Variants in GLCCI1 observed in about 807,000 individuals in gnomAD.
The protein encoded by GLCCI1 is glucocorticoid-induced transcript 1 protein.
GLCCI1 carries 24 observed loss-of-function variants against 52.2 expected under a neutral mutation model. The ratio of observed to expected loss-of-function variants is 0.46; its 90% CI spans 0.33 to 0.65. GLCCI1 has a LOEUF of 0.65. Among genes scored for constraint, GLCCI1 ranks in the 30% least tolerant of loss-of-function variants. The pLI is 0.02. For missense variants in GLCCI1, 704 were observed against 701.5 expected (o/e 1.00, Z -0.04); for synonymous variants, 310 against 276.5 (o/e 1.12, Z -1.20).
At chr7:7,998,207 TGTTTTGTTTC>T (rs1178486201) in intron 1 of GLCCI1, among the ~76,000 whole-genome samples, 2 of 151,718 alleles carry the variant, frequency 1.3e-5, no homozygotes, top group African/African-American at 4.8e-5. Flanking sequence ...TGTTGTTTTT[TGTTTTGTTTC>T]GTTTTGTTTT....
chr7:8,000,173 G>C (rs184111524), intron 1 of GLCCI1, among the ~76,000 whole-genome samples: 2 of 152,216 alleles, frequency 1.3e-5, no homozygotes, highest in East Asian at 3.9e-4. Context: ...GTTGTCTTGT[G>C]TTTCTTCGCA....
At chr7:8,057,085 A>C (rs189979069) in intron 4 of GLCCI1, among the ~76,000 whole-genome samples, 94 of 152,350 alleles carry the variant, frequency 6.2e-4, no homozygotes, top group African/African-American at 1.9e-3. Flanking sequence ...CAGAACAGCC[A>C]CACATTGCTG....
At chr7:8,075,269 C>T (rs1649828746) in intron 6 of GLCCI1, among the ~76,000 whole-genome samples, 1 of 151,982 alleles carries the variant, frequency 6.6e-6, no homozygotes, top group South Asian at 2.1e-4. Flanking sequence ...TTTGGCGTTT[C>T]GTTTTGATTT....
Position 8,065,637 on chromosome 7 carries a change from C to T in GLCCI1, c.967-5284C>T, listed in dbSNP as rs140547296. Among the ~76,000 whole-genome samples the T allele has an allele frequency of 1.8e-3, 275 of 152,116 alleles. 1 individual carries two copies. The highest frequency in any genetic ancestry group is 6.3e-3 in the African/African-American group (260 of 41,482). ...GGGATGTTGGATTTTATTGAAAGCC[C>T]TTTCTGTATCTATTAAGATAATTAT... On this transcript the variant is annotated intron_variant, in intron 5 of 7. Transcript: ENST00000223145.
intron 4 of GLCCI1, among the ~76,000 whole-genome samples, chr7:8,059,864 AC>A (rs1782476320): frequency 6.6e-6 from 1 of 152,230 alleles, no homozygotes. Flanking sequence ...ATACAGGTAT[AC>A]CTTTATACTT....
intron 3 of GLCCI1, among the ~76,000 whole-genome samples, chr7:8,038,379 G>A (rs908497152): frequency 1.3e-5 from 2 of 152,108 alleles, no homozygotes; most frequent in Non-Finnish European, 2.9e-5. Flanking sequence ...ATACTACAAG[G>A]CTATTGTACC....
In GLCCI1 at chr7:7,969,164, C is replaced by A. The variant is rs946590261; in HGVS notation, c.-187C>A. On this transcript the variant is annotated 5_prime_UTR_variant, in exon 1 of 8. Coordinates refer to ENST00000223145, the MANE Select transcript of GLCCI1 (RefSeq NM_138426.4). The surrounding 1 kb of genome is among the most constrained non-coding windows in gnomAD (Gnocchi z 4.9). ...TTTGTTTTCGCAGCCTTCCCCTCCC[C>A]CCTCGCCGAGGCGGCGGGGGTGTGC... 11 of 504,998 alleles carry A rather than the reference C, an allele frequency of 2.2e-5. No individual in the cohort carries two copies. The South Asian group carries it at 3.9e-4, about 18-fold the overall frequency. 31.3% of individuals were successfully genotyped at this position (504,998 alleles called of 1,614,324 possible). A position where few individuals can be genotyped will look rare whatever the true frequency, so the allele number is the denominator to read the frequency against.
intron 1 of GLCCI1, among the ~76,000 whole-genome samples, chr7:7,988,046 C>G (rs1040280839): frequency 6.6e-6 from 1 of 152,010 alleles, no homozygotes; most frequent in South Asian, 2.1e-4. Context: ...GGACATAATG[C>G]TTTTTGGGGA....
chr7:8,074,338 A>T (rs1394303353), intron 6 of GLCCI1, among the ~76,000 whole-genome samples: 2 of 152,202 alleles, frequency 1.3e-5, no homozygotes, highest in Non-Finnish European at 2.9e-5. Flanking sequence ...TATGTCATTC[A>T]AACTGTAGGC....
chr7:8,085,393 C>T (rs1327258874), intron 7 of GLCCI1, among the ~76,000 whole-genome samples: 2 of 152,228 alleles, frequency 1.3e-5, no homozygotes, highest in African/African-American at 4.8e-5. Context: ...GAAGATTAGT[C>T]TCCTTCCCTG....
At chr7:8,022,430 T>C in intron 2 of GLCCI1, 53 bp from the exon 3 acceptor site, 1 of 1,000,236 alleles carries the variant, frequency 1.0e-6, no homozygotes, top group African/African-American at 1.7e-5. Flanking sequence ...TTGCTTGAGA[T>C]TAGGAAGTAG....
intron 5 of GLCCI1, among the ~76,000 whole-genome samples, chr7:8,065,636 C>T (rs558893258): frequency 6.6e-6 from 1 of 152,106 alleles, no homozygotes; most frequent in South Asian, 2.1e-4. Context: ...TATTGAAAGC[C>T]CTTTCTGTAT....
chr7:7,994,396 G>C (rs1221842064), intron 1 of GLCCI1, among the ~76,000 whole-genome samples: 1 of 152,034 alleles, frequency 6.6e-6, no homozygotes, highest in Non-Finnish European at 1.5e-5. Context: ...ATTTTACTTT[G>C]CCACTTTCAC....
chr7:7,970,625 A>G (rs1484515603), intron 1 of GLCCI1: 1 of 152,782 alleles, frequency 6.5e-6, no homozygotes, highest in African/African-American at 2.4e-5. Context: ...GTTAGGTGTC[A>G]AAGGTAATGG....
intron 3 of GLCCI1, among the ~76,000 whole-genome samples, chr7:8,032,922 T>C (rs1781786134): frequency 6.6e-6 from 1 of 151,960 alleles, no homozygotes; most frequent in East Asian, 1.9e-4. Flanking sequence ...ATAAGTACTG[T>C]CCTTTCAAAG....
At chr7:8,033,794 A>G (rs1157258518) in intron 3 of GLCCI1, among the ~76,000 whole-genome samples, 1 of 152,178 alleles carries the variant, frequency 6.6e-6, no homozygotes, top group African/African-American at 2.4e-5. Context: ...GATTGGAAGA[A>G]TCAATAGTAA....
chr7:8,077,259 GAGA>G (rs1184802592), intron 6 of GLCCI1, among the ~76,000 whole-genome samples: 2 of 152,168 alleles, frequency 1.3e-5, no homozygotes, highest in Admixed American at 6.5e-5. Context: ...GTGTTCCTCT[GAGA>G]AGAAGTATCA....
intron 6 of GLCCI1, among the ~76,000 whole-genome samples, chr7:8,081,250 A>G (rs1782988306): frequency 6.6e-6 from 1 of 152,150 alleles, no homozygotes; most frequent in African/African-American, 2.4e-5. Flanking sequence ...AAATCAGAAT[A>G]TTTCAGGAAT....
At chr7:8,062,563 C>G (rs1440688293) in intron 5 of GLCCI1, among the ~76,000 whole-genome samples, 1 of 152,164 alleles carries the variant, frequency 6.6e-6, no homozygotes, top group Non-Finnish European at 1.5e-5. Flanking sequence ...TTTCACCACC[C>G]AGGTAATAAG....
Sources: gnomAD v4.1 joint callset for allele counts (sites outside exome capture counted in the v4.1 genomes callset) on GRCh38, gnomAD v4.1.1 for gene constraint, Gnocchi (gnomAD v3.1) non-coding constraint, MANE v1.5 for transcripts, NCBI Gene and HGNC (gene_info 2026-07-23, HGNC 2026-07-21) for gene names.